MKLN1: variants seen among roughly 807,000 people sequenced by gnomAD.
MKLN1 encodes the protein muskelin.
Under a neutral mutation model 99.0 loss-of-function variants are expected in MKLN1, and 18 were observed. That is an observed-to-expected ratio of 0.18 (90% CI 0.13 to 0.27). The LOEUF (loss-of-function observed/expected upper bound fraction) is 0.27, where lower values mean the gene tolerates loss of function less well. Among genes scored for constraint, MKLN1 ranks in the 10% least tolerant of loss-of-function variants. The pLI is 1.00. For missense variants in MKLN1, 621 were observed against 875.9 expected, an observed-to-expected ratio of 0.71 and a Z score of 3.67; for synonymous variants, 288 against 293.2, an observed-to-expected ratio of 0.98 and a Z score of 0.18.
chr7:131,393,663 G>T (rs1002642699), intron 4 of MKLN1, among the ~76,000 whole-genome samples: 1 of 152,056 alleles, frequency 6.6e-6, no homozygotes, highest in Admixed American at 6.5e-5. Context: ...GTCTTTCTCG[G>T]TTACCTAGGC....
rs7791507 is a variant in MKLN1, at chr7:131,302,961, C to T, written c.-178-72463C>T. Among the ~76,000 whole-genome samples, 1,486 of 152,220 alleles carry T rather than the reference C, an allele frequency of 9.8e-3. 32 individuals are homozygous for T. The highest frequency in any genetic ancestry group is 0.033 in the African/African-American group (1,370 of 41,534). On this transcript the variant is annotated intron_variant, in intron 3 of 7. Coordinates refer to the MKLN1 transcript ENST00000416992. ...ATCGTTTGTGTGGTACCAAACTGTGCGCTGGGGTCTCTAGATTTATGCTTG... is the reference window on the plus strand; with the variant it reads ...ATCGTTTGTGTGGTACCAAACTGTGTGCTGGGGTCTCTAGATTTATGCTTG...
At position 131,466,921 on chromosome 7, in the gene MKLN1, ACACG is replaced by A. The variant is rs372805345; in HGVS notation, c.1928+508_1928+511del. On this transcript the variant is annotated intron_variant, in intron 15 of 17. Transcript: ENST00000352689. The stretch of plus-strand genomic sequence containing the variant: ...TATACATATACACACACACACACAC[ACACG>A]CGCGCGCGCGCACACACGCACGCAG... 3.6e-3 allele frequency among the ~76,000 whole-genome samples: 544 copies of A among 150,458 alleles called. 2 individuals carry two copies. Among genetic ancestry groups the A allele is most frequent in the African/African-American group, 0.011 (462 of 40,866 alleles).
intron 3 of MKLN1, among the ~76,000 whole-genome samples, chr7:131,227,495 C>CCCTTTCTTTCTTTCTTTCTTTCTTTCTT (rs1797170621): frequency 1.7e-5 from 2 of 115,710 alleles, no homozygotes; most frequent in East Asian, 4.8e-4. Flanking sequence ...CTCTTTCTTT[C>CCCTTTCTTTCTTTCTTTCTTTCTTTCTT]TCTTTCTTTC....
Position 131,411,340 on chromosome 7 carries a change from A to T in MKLN1, c.738A>T (p.Glu246Asp). 6.2e-7 allele frequency: 1 copy of T among 1,612,174 alleles called. No homozygotes were observed. The highest frequency in any genetic ancestry group is 1.7e-4 in the Middle Eastern group (1 of 6,054). Reference protein sequence around the residue: ...GLFNQYISQQEYKPRWSQIIP... With the variant: ...GLFNQYISQQDYKPRWSQIIP... ...TCAATCAGTATATCAGTCAACAGGA[A>T]TATAAGCCACGATGGAGTCAAATCA... Residue 246 changes from glutamate (E) to aspartate (D), a missense_variant, in exon 7 of 18, where the codon GAA becomes GAT. Physicochemically the swap from Glu to Asp is conservative, Grantham distance 45. Around this residue, in one of 8 missense-constraint regions of MKLN1, gnomAD observed 361 missense variants for 540.8 expected, o/e 0.67. Coordinates refer to ENST00000352689, the MANE Select transcript of MKLN1 (RefSeq NM_013255.5).
At chr7:131,299,017 G>T (rs1408209981) in intron 3 of MKLN1, among the ~76,000 whole-genome samples, 1 of 152,122 alleles carries the variant, frequency 6.6e-6, no homozygotes. Flanking sequence ...TGTCTCTATT[G>T]TTTATAAAAT....
At chr7:131,117,963 G>C (rs1795304169) in intron 1 of MKLN1, among the ~76,000 whole-genome samples, 1 of 152,212 alleles carries the variant, frequency 6.6e-6, no homozygotes. Flanking sequence ...CAGAATTGCA[G>C]GGTGATACAG....
chr7:131,466,483 T>A, intron 15 of MKLN1, 68 bp downstream of exon 15: 1 of 1,180,272 alleles, frequency 8.5e-7, no homozygotes, highest in African/African-American at 1.5e-5. Context: ...GCAAATTTAA[T>A]AATGAGACAG....
rs967228609 is a variant in MKLN1 at position 131,491,584 on chromosome 7, G to C, written c.*3856G>C. 2 of 152,184 alleles carry C rather than the reference G, an allele frequency of 1.3e-5. No homozygotes were observed. The highest frequency in any genetic ancestry group is 2.4e-5 in the African/African-American group (1 of 41,454). The allele number at this position is 152,184 out of a possible 1,614,324, so 9.4% of individuals were successfully genotyped here. A position where few individuals can be genotyped will look rare whatever the true frequency, so the allele number is the denominator to read the frequency against. On this transcript the variant is annotated 3_prime_UTR_variant, in exon 18 of 18. Coordinates refer to ENST00000352689, the MANE Select transcript of MKLN1 (RefSeq NM_013255.5). ...TCCAAAGCTTCTAGTCTAGAGGTCTGTTGGTTGAAGGCAGACATTTCCAAG... is the reference window on the plus strand; with the variant it reads ...TCCAAAGCTTCTAGTCTAGAGGTCTCTTGGTTGAAGGCAGACATTTCCAAG...
intron 3 of MKLN1, among the ~76,000 whole-genome samples, chr7:131,260,566 T>C (rs1563270563): frequency 6.6e-6 from 1 of 152,222 alleles, no homozygotes; most frequent in Non-Finnish European, 1.5e-5. Flanking sequence ...ACAGAGTCCA[T>C]GCTATTCCTA....
chr7:131,393,655 C>A (rs1794271566), intron 4 of MKLN1, among the ~76,000 whole-genome samples: 1 of 151,960 alleles, frequency 6.6e-6, no homozygotes, highest in Non-Finnish European at 1.5e-5. Flanking sequence ...GAGACAGGGT[C>A]TTTCTCGGTT....
chr7:131,222,145 C>T (rs967994171), intron 3 of MKLN1, among the ~76,000 whole-genome samples: 2 of 150,148 alleles, frequency 1.3e-5, no homozygotes, highest in South Asian at 2.1e-4. Context: ...CTGCCCACCT[C>T]GGCCTCCCGA....
intron 3 of MKLN1, among the ~76,000 whole-genome samples, chr7:131,274,965 C>T (rs376153217): frequency 1.2e-4 from 19 of 152,316 alleles, no homozygotes; most frequent in South Asian, 4.1e-4. Context: ...TCATTAGTAA[C>T]ATTCTGTTAC....
At chr7:131,171,447 T>C (rs1796213347) in intron 2 of MKLN1, among the ~76,000 whole-genome samples, 1 of 151,860 alleles carries the variant, frequency 6.6e-6, no homozygotes, top group African/African-American at 2.4e-5. Context: ...TTTATTATTG[T>C]TTAAATATTT....
At chr7:131,306,782 A>G (rs1340629085) in intron 3 of MKLN1, among the ~76,000 whole-genome samples, 1 of 152,234 alleles carries the variant, frequency 6.6e-6, no homozygotes, top group Non-Finnish European at 1.5e-5. Flanking sequence ...CAGCCTGACC[A>G]TGTGGAAGAA....
At chr7:131,136,636 G>A (rs915301393) in intron 1 of MKLN1, among the ~76,000 whole-genome samples, 7 of 152,168 alleles carry the variant, frequency 4.6e-5, no homozygotes, top group African/African-American at 1.7e-4. Flanking sequence ...CTTCATAGAA[G>A]CATTTTTGGG....
chr7:131,184,931 A>G (rs1450518958), intron 2 of MKLN1, among the ~76,000 whole-genome samples: 1 of 152,190 alleles, frequency 6.6e-6, no homozygotes, highest in Non-Finnish European at 1.5e-5. Flanking sequence ...TGTCCATGGG[A>G]ATAGGCCAAC....
At chr7:131,249,276 A>G (rs996394266) in intron 3 of MKLN1, among the ~76,000 whole-genome samples, 20 of 152,360 alleles carry the variant, frequency 1.3e-4, no homozygotes, top group African/African-American at 4.3e-4. Flanking sequence ...AGGGATAGCC[A>G]GAGCTGAGCT....
chr7:131,169,126 A>G (rs1388336641), intron 2 of MKLN1, among the ~76,000 whole-genome samples: 2 of 152,126 alleles, frequency 1.3e-5, no homozygotes, highest in Non-Finnish European at 2.9e-5. Flanking sequence ...TGGCCTCCCA[A>G]AGTGCTGGGA....
intron 2 of MKLN1, among the ~76,000 whole-genome samples, chr7:131,161,961 GTGTA>G (rs148955389): frequency 0.042 from 3,392 of 80,344 alleles, 69 homozygotes; most frequent in Admixed American, 0.12. Flanking sequence ...GTGTGTGTGT[GTGTA>G]TATATATATA....
Sources: allele counts gnomAD v4.1 joint callset (sites outside exome capture counted in the v4.1 genomes callset), GRCh38; gene constraint gnomAD v4.1.1; regional missense constraint gnomAD v4.1.1; transcripts MANE v1.5; gene names NCBI Gene and HGNC (gene_info 2026-07-23, HGNC 2026-07-21).